Variants in CUEDC1 observed in about 807,000 individuals in gnomAD.
CUEDC1 encodes CUE domain-containing protein 1.
A neutral mutation model predicts 43.7 loss-of-function variants in CUEDC1; 30 were observed. That is an observed-to-expected ratio of 0.69 (90% CI 0.51 to 0.93). The LOEUF (loss-of-function observed/expected upper bound fraction) is 0.93, where lower values mean the gene tolerates loss of function less well. Among genes scored for constraint, CUEDC1 ranks in the 40% least tolerant of loss-of-function variants. CUEDC1 has a pLI of 0.00. For synonymous variants in CUEDC1, 223 were observed against 223.6 expected (o/e 1.00, Z 0.02); for missense variants, 486 against 549.0 (o/e 0.89, Z 1.15).
At chr17:57,868,333 C>A in intron 7 of CUEDC1, 90 bp from the exon 8 acceptor site, 1 of 1,160,030 alleles carries the variant, frequency 8.6e-7, no homozygotes, top group Non-Finnish European at 1.3e-6. Context: ...AGGGGAGGAC[C>A]AAGGCCCCCC....
intron 1 of CUEDC1, among the ~76,000 whole-genome samples, chr17:57,896,124 G>T (rs541905729): frequency 6.6e-5 from 10 of 152,270 alleles, no homozygotes; most frequent in Admixed American, 2.6e-4. Flanking sequence ...CCTGCAAACA[G>T]AACTCCCAAC....
intron 1 of CUEDC1, among the ~76,000 whole-genome samples, chr17:57,927,283 C>CGGA (rs1312328581): frequency 6.6e-6 from 1 of 151,884 alleles, no homozygotes; most frequent in Non-Finnish European, 1.5e-5. Flanking sequence ...CTGAGAGGCA[C>CGGA]TTCCTCCTCC....
chr17:57,935,718 C>CGGTCCACCTTGGCGGGCCA (rs1353009004), intron 1 of CUEDC1, among the ~76,000 whole-genome samples: 65 of 152,182 alleles, frequency 4.3e-4, no homozygotes, highest in African/African-American at 1.3e-3. Context: ...GCCATGGCCA[C>CGGTCCACCTTGGCGGGCCA]GGTCCACCTT....
At chr17:57,929,337 G>A (rs527670085) in intron 1 of CUEDC1, among the ~76,000 whole-genome samples, 4 of 152,210 alleles carry the variant, frequency 2.6e-5, no homozygotes, top group South Asian at 4.2e-4. Context: ...AGAACACACC[G>A]CAAGTCAGTG....
chr17:57,935,447 T>A (rs989561420), intron 1 of CUEDC1, among the ~76,000 whole-genome samples: 1 of 150,766 alleles, frequency 6.6e-6, no homozygotes, highest in Non-Finnish European at 1.5e-5. Context: ...ACTGGACACA[T>A]TCCTGGTGCT....
intron 1 of CUEDC1, among the ~76,000 whole-genome samples, chr17:57,900,611 T>G (rs1427825268): frequency 6.6e-6 from 1 of 152,198 alleles, no homozygotes; most frequent in Non-Finnish European, 1.5e-5. Context: ...CTCGTGACAA[T>G]GTAGTAGTGC....
chr17:57,907,281 T>G (rs141861634), intron 1 of CUEDC1, among the ~76,000 whole-genome samples: 1 of 152,152 alleles, frequency 6.6e-6, no homozygotes, highest in Non-Finnish European at 1.5e-5. Flanking sequence ...AAGGCTAGTG[T>G]GCTGGAAAAC....
rs546364600 is a variant in CUEDC1, at chr17:57,872,689, C to T, written c.758G>A (p.Arg253His). The T allele has an allele frequency of 1.5e-5, 24 of 1,614,134 alleles. No individual in the cohort carries two copies. The highest frequency in any genetic ancestry group is 4.5e-5 in the East Asian group (2 of 44,882). Residue 253 changes from arginine to histidine, a missense_variant, in exon 5 of 11, where the codon CGC (arginine) becomes CAC (histidine). Transcript: ENST00000577830. ...TCTCTCCAGAGCGAGGAGGAAGTCG[C>T]GGTTCCGTTGCAGCTCCTTCATGAA... ...EEFMKELQRN[R>H]DFLLALERDR...
In CUEDC1 at chr17:57,884,910, G is replaced by A. The variant is rs921571289; in HGVS notation, c.336+319C>T. Among the ~76,000 whole-genome samples the A allele has an allele frequency of 2.6e-5, 4 of 152,176 alleles. No individual in the cohort carries two copies. The East Asian group carries it at 7.7e-4, about 29-fold the overall frequency. ...TTCAGTATGTTGGGGTGGGGCCCAGGCACCTGCATTTTTAACAAGCACCTT... is the reference window on the plus strand; with the variant it reads ...TTCAGTATGTTGGGGTGGGGCCCAGACACCTGCATTTTTAACAAGCACCTT... On this transcript the variant is annotated intron_variant, in intron 2 of 10. Transcript: ENST00000577830.
chr17:57,932,455 G>A lies in CUEDC1; in HGVS notation c.-316+22770C>T, dbSNP rs895348013. On this transcript the variant is annotated intron_variant, in intron 1 of 10. Transcript: ENST00000577830. ...AAAAAAATTAGCCGGGCATGGCAGC[G>A]GGTGCTGTAGTCCCAGTTACTCGGG... 5.3e-5 allele frequency among the ~76,000 whole-genome samples: 8 copies of A among 151,396 alleles called. No individual in the cohort carries two copies. The South Asian group carries it at 8.4e-4, about 16-fold the overall frequency.
intron 2 of CUEDC1, among the ~76,000 whole-genome samples, chr17:57,883,438 A>C (rs1313121217): frequency 6.6e-6 from 1 of 152,192 alleles, no homozygotes; most frequent in Admixed American, 6.5e-5. Context: ...GAGATGACAC[A>C]TCGGGCCAGG....
chr17:57,902,391 T>C (rs2074482416), intron 1 of CUEDC1, among the ~76,000 whole-genome samples: 1 of 152,150 alleles, frequency 6.6e-6, no homozygotes, highest in South Asian at 2.1e-4. Flanking sequence ...GGCAAACATA[T>C]GACTGACTCG....
At chr17:57,935,376 T>TAG (rs1555569471) in intron 1 of CUEDC1, among the ~76,000 whole-genome samples, 1 of 38,188 alleles carries the variant, frequency 2.6e-5, no homozygotes, top group Non-Finnish European at 9.0e-5. Context: ...TCCCTTCCAT[T>TAG]AGACACACAC....
chr17:57,867,024 C>G, intron 9 of CUEDC1: 1 of 437,298 alleles, frequency 2.3e-6, no homozygotes, highest in Non-Finnish European at 4.2e-6. Flanking sequence ...CTGCCCAGTG[C>G]TTGGTTCTCA....
chr17:57,864,761 T>C (rs1271021028), intron 10 of CUEDC1, among the ~76,000 whole-genome samples: 1 of 151,780 alleles, frequency 6.6e-6, no homozygotes. Context: ...AGGACAGAAA[T>C]AAATGATGAG....
At chr17:57,871,437 G>T in intron 5 of CUEDC1, 68 bp from the exon 6 acceptor site, 1 of 1,332,846 alleles carries the variant, frequency 7.5e-7, no homozygotes, top group African/African-American at 1.4e-5. Context: ...GGCTGGGCTG[G>T]GACACGGTAG....
chr17:57,925,876 C>T (rs1368230580), intron 1 of CUEDC1, among the ~76,000 whole-genome samples: 1 of 152,220 alleles, frequency 6.6e-6, no homozygotes, highest in African/African-American at 2.4e-5. Context: ...AAGATGCTCT[C>T]GAGCTCAGCG....
intron 1 of CUEDC1, chr17:57,922,666 A>T (rs755587722): frequency 6.6e-6 from 1 of 152,172 alleles, no homozygotes; most frequent in African/African-American, 2.4e-5. Flanking sequence ...TTTTTCTCAT[A>T]TGAAAGACAG....
intron 1 of CUEDC1, among the ~76,000 whole-genome samples, chr17:57,927,206 A>G (rs2143137268): frequency 6.6e-6 from 1 of 152,170 alleles, no homozygotes; most frequent in South Asian, 2.1e-4. Context: ...TGGGCAGCTC[A>G]CTTAAAAGGG....
Sources: allele counts gnomAD v4.1 joint callset (sites outside exome capture counted in the v4.1 genomes callset), GRCh38; gene constraint gnomAD v4.1.1; transcripts MANE v1.5; gene names NCBI Gene and HGNC (gene_info 2026-07-23, HGNC 2026-07-21).